The following TMEM237 variants were observed in gnomAD, a reference collection of about 807,000 sequenced individuals.
TMEM237 encodes the protein transmembrane protein 237.
A neutral mutation model predicts 59.1 loss-of-function variants in TMEM237; 51 were observed. That is an observed-to-expected ratio of 0.86 (90% CI 0.69 to 1.09). The LOEUF is 1.09. Ranked by LOEUF, TMEM237 falls within the 50% of genes least tolerant of loss-of-function variation. The probability of loss-of-function intolerance (pLI) is 0.00; values close to 1 mark genes in which losing one functional copy is unlikely to be tolerated. For synonymous variants in TMEM237, 140 were observed against 166.1 expected (o/e 0.84, Z 1.21); for missense variants, 475 against 478.3 (o/e 0.99, Z 0.06).
At chr2:201,631,933 T>C (rs910805094) in intron 7 of TMEM237, 118 bp downstream of exon 7, 1 of 1,066,100 alleles carries the variant, frequency 9.4e-7, no homozygotes. Context: ...ACCAGTTTTG[T>C]GTATAAATTG....
In TMEM237 at chr2:201,635,129, C is replaced by G. The variant is rs892599926; in HGVS notation, c.274+1619G>C. Reference sequence around the variant, plus strand: ...CTTCCTCCTTCTAAAACTTCTACCACTGTAACACTGCTATATTCTTCCATT... The same window carrying G: ...CTTCCTCCTTCTAAAACTTCTACCAGTGTAACACTGCTATATTCTTCCATT... On this transcript the variant is annotated intron_variant, in intron 5 of 12. Coordinates refer to ENST00000409883, the MANE Select transcript of TMEM237 (RefSeq NM_001044385.3). This position sits in a 1 kb window ranked among gnomAD's most constrained non-coding sequence, Gnocchi z 4.5. Among the ~76,000 whole-genome samples the G allele has an allele frequency of 5.9e-5, 9 of 152,152 alleles. No individual in the cohort carries two copies. The highest frequency in any genetic ancestry group is 1.2e-4 in the Non-Finnish European group (8 of 68,030).
rs1376540567 is a variant in TMEM237 at position 201,638,992 on chromosome 2, G to A, written c.133C>T (p.Pro45Ser). Residue 45 changes from proline (P) to serine (S), a missense_variant, in exon 4 of 13, where the codon CCA (proline) becomes TCA (serine). Transcript: ENST00000409883. ...ACAACAAAGAATAACGTCTTACCTG[G>A]TGTGTTTTTTGTTCTGGGCTTCTTT... is the stretch of plus-strand genomic sequence containing the variant. ...KKKKPRTKNT[P>S]ASASLEGLAQ... 2.5e-6 allele frequency: 4 copies of A among 1,581,772 alleles called. No individual in the cohort carries two copies. Among genetic ancestry groups the A allele is most frequent in the South Asian group, 1.2e-5 (1 of 86,172 alleles).
In TMEM237 at chr2:201,628,093, G is replaced by A. The variant is rs1380123430; in HGVS notation, c.926C>T (p.Thr309Ile). Residue 309 changes from threonine (T) to isoleucine (I), a missense_variant, in exon 10 of 13, where the codon ACA (threonine) becomes ATA (isoleucine). By Grantham distance (89) the Thr-to-Ile change is moderately conservative. Coordinates refer to ENST00000409883, the MANE Select transcript of TMEM237 (RefSeq NM_001044385.3). ...AIRNFLALDP[T>I]ALASFLYFTA... is the part of the protein sequence containing the mutation. Reference sequence around the variant, plus strand: ...TTACTCACAGAAAGATGCTAAAGCTGTAGGATCCAGGGCCAAAAAATTTCG... The same window carrying A: ...TTACTCACAGAAAGATGCTAAAGCTATAGGATCCAGGGCCAAAAAATTTCG... The A allele has an allele frequency of 1.2e-6, 2 of 1,607,818 alleles. No homozygotes were observed. The highest frequency in any genetic ancestry group is 8.5e-7 in the Non-Finnish European group (1 of 1,176,902).
chr2:201,627,572 T>C, intron 10 of TMEM237, 158 bp from the exon 11 acceptor site: 1 of 524,912 alleles, frequency 1.9e-6, no homozygotes, highest in Non-Finnish European at 3.3e-6. Flanking sequence ...CAGACATCCT[T>C]ATATAAATTT....
In TMEM237 at chr2:201,621,223, G is replaced by A. The variant is rs1006918242; in HGVS notation, c.*3032C>T. On this transcript the variant is annotated 3_prime_UTR_variant, in exon 13 of 13. Transcript: ENST00000409883. ...AATTAAGTGATGTCATTAGGAAAAAGTCAGACAATTAAAAAATGTAGGTGA... is the reference window on the plus strand; with the variant it reads ...AATTAAGTGATGTCATTAGGAAAAAATCAGACAATTAAAAAATGTAGGTGA... 1 of 152,138 alleles carries A rather than the reference G, an allele frequency of 6.6e-6. No individual in the cohort carries two copies. The highest frequency in any genetic ancestry group is 2.4e-5 in the African/African-American group (1 of 41,436). 9.4% of individuals were successfully genotyped at this position (152,138 alleles called of 1,614,324 possible).
In TMEM237 at chr2:201,624,168, T is replaced by A. The variant is rs2105896320; in HGVS notation, c.*87A>T. The A allele has an allele frequency of 1.2e-6, 1 of 868,730 alleles. No individual in the cohort carries two copies. The highest frequency in any genetic ancestry group is 2.7e-5 in the East Asian group (1 of 37,268). 53.8% of individuals were successfully genotyped at this position (868,730 alleles called of 1,614,324 possible). A position where few individuals can be genotyped will look rare whatever the true frequency, so the allele number is the denominator to read the frequency against. ...ATATAATCAAAAAATCTATTACAAA[T>A]ACACATGTATACATCTTATAAAAAT... On this transcript the variant is annotated 3_prime_UTR_variant, in exon 13 of 13. Transcript: ENST00000409883.
rs1376746554 is a variant in TMEM237 at position 201,623,583 on chromosome 2, A to T, written c.*672T>A. ...AGCCTCTTTTGCTACATAGATTTTT[A>T]AAATCTCCCTCTATGATCCTGATGT... On this transcript the variant is annotated 3_prime_UTR_variant, in exon 13 of 13. Transcript: ENST00000409883. 6.6e-6 allele frequency: 1 copy of T among 152,458 alleles called. No individual in the cohort carries two copies. Among genetic ancestry groups the T allele is most frequent in the Non-Finnish European group, 1.5e-5 (1 of 68,266 alleles). 9.4% of individuals were successfully genotyped at this position (152,458 alleles called of 1,614,324 possible).
Position 201,622,559 on chromosome 2 carries a change from C to T in TMEM237, c.*1696G>A, listed in dbSNP as rs1957718110. On this transcript the variant is annotated 3_prime_UTR_variant, in exon 13 of 13. Coordinates refer to ENST00000409883, the MANE Select transcript of TMEM237 (RefSeq NM_001044385.3). Reference sequence around the variant, plus strand: ...CATCACTCTCCTTGGCTCATGGCCCCCTCTTCCATCTTCAAAGCCAGCAAT... The same window carrying T: ...CATCACTCTCCTTGGCTCATGGCCCTCTCTTCCATCTTCAAAGCCAGCAAT... The T allele has an allele frequency of 6.6e-6, 1 of 152,492 alleles. No homozygotes were observed. The highest frequency in any genetic ancestry group is 6.5e-5 in the Admixed American group (1 of 15,290). 9.4% of individuals were successfully genotyped at this position (152,492 alleles called of 1,614,324 possible). A position where few individuals can be genotyped will look rare whatever the true frequency, so the allele number is the denominator to read the frequency against.
Position 201,628,129 on chromosome 2 carries a change from G to A in TMEM237, c.890C>T (p.Ser297Leu), listed in dbSNP as rs768528861. The A allele has an allele frequency of 2.5e-6, 4 of 1,605,822 alleles. No individual in the cohort carries two copies. Among genetic ancestry groups the A allele is most frequent in the Non-Finnish European group, 3.4e-6 (4 of 1,175,892 alleles). ...AFDRIDFAKI[S>L]VAIRNFLALD... ...GGCCAAAAAATTTCGGATTGCTACT[G>A]ATATTTTAGCAAAGTCAATCCTAGA... The change falls in exon 10 of 13, where the codon TCA becomes TTA. Residue 297 changes from serine to leucine, a missense_variant. Ser to Leu is a moderately radical substitution (Grantham distance 145). Transcript: ENST00000409883.
chr2:201,639,094 T>C lies in TMEM237; in HGVS notation c.80-49A>G, dbSNP rs370357239. On this transcript the variant is annotated intron_variant, in intron 3 of 12. Transcript: ENST00000409883. ...ACAGAAAAGGGTGCCTAAAATTCAA[T>C]GCAGAGAACAGTCAGAAGAGAACTT... 4.7e-6 allele frequency: 7 copies of C among 1,495,358 alleles called. No homozygotes were observed. In the South Asian group the frequency reaches 7.3e-5, roughly 16 times the overall value. 92.6% of individuals were successfully genotyped at this position (1,495,358 alleles called of 1,614,324 possible).
Position 201,643,015 on chromosome 2 carries a change from C to G in TMEM237, c.42+344G>C, listed in dbSNP as rs1430753744. On this transcript the variant is annotated intron_variant, in intron 1 of 12. Transcript: ENST00000409883. The surrounding 1 kb of genome is among the most constrained non-coding windows in gnomAD (Gnocchi z 4.3). ...CAGATCTCTTCTGGGCAGCTACAGACCTCTCCTCGGAGGAGTCTAGGAGAG... is the reference window on the plus strand; with the variant it reads ...CAGATCTCTTCTGGGCAGCTACAGAGCTCTCCTCGGAGGAGTCTAGGAGAG... 1.8e-5 allele frequency: 23 copies of G among 1,291,548 alleles called. No homozygotes were observed. The highest frequency in any genetic ancestry group is 2.3e-5 in the Non-Finnish European group (23 of 1,020,334). The allele number at this position is 1,291,548 out of a possible 1,614,324, so 80.0% of individuals were successfully genotyped here. A position where few individuals can be genotyped will look rare whatever the true frequency, so the allele number is the denominator to read the frequency against.
rs1303019862 is a variant in TMEM237, at chr2:201,643,071, C to T, written c.42+288G>A. ...GCTGGAAGCCCCGGCACCCGCCGGGCCCCGGGCCTCAGATGAGTGAGGCGT... is the reference window on the plus strand; with the variant it reads ...GCTGGAAGCCCCGGCACCCGCCGGGTCCCGGGCCTCAGATGAGTGAGGCGT... On this transcript the variant is annotated intron_variant, in intron 1 of 12. Coordinates refer to ENST00000409883, the MANE Select transcript of TMEM237 (RefSeq NM_001044385.3). This position sits in a 1 kb window ranked among gnomAD's most constrained non-coding sequence, Gnocchi z 4.3. 4 of 1,130,168 alleles carry T rather than the reference C, an allele frequency of 3.5e-6. No individual in the cohort carries two copies. The highest frequency in any genetic ancestry group is 4.6e-6 in the Non-Finnish European group (4 of 862,230). 70.0% of individuals were successfully genotyped at this position (1,130,168 alleles called of 1,614,324 possible). A position where few individuals can be genotyped will look rare whatever the true frequency, so the allele number is the denominator to read the frequency against.
At chr2:201,631,016 G>A (rs1439610335) in intron 7 of TMEM237, 1 of 152,142 alleles carries the variant, frequency 6.6e-6, no homozygotes, top group Non-Finnish European at 1.5e-5. Flanking sequence ...GTAGTATATA[G>A]TCATGATCAT....
intron 4 of TMEM237, chr2:201,638,773 T>C: frequency 1.8e-6 from 1 of 565,362 alleles, no homozygotes; most frequent in Non-Finnish European, 3.1e-6. Context: ...CCACCTTCTA[T>C]TCCATGAATG....
Position 201,636,862 on chromosome 2 carries a change from C to A in TMEM237, c.160G>T (p.Ala54Ser). 1 of 1,605,062 alleles carries A rather than the reference C, an allele frequency of 6.2e-7. No homozygotes were observed. The change falls in exon 5 of 13, where the codon GCT (alanine) becomes TCT (serine). Residue 54 changes from alanine (A) to serine (S), a missense_variant. Transcript: ENST00000409883. ...TPASASLEGL[A>S]QTAGRRPSEG... ...GAGGGCCTTCGACCAGCAGTCTGAG[C>A]AAGGCCTTCCAAAGAAGCACTTGCT...
At chr2:201,625,374 AT>A (rs1370912705) in intron 12 of TMEM237, among the ~76,000 whole-genome samples, 16 of 152,080 alleles carry the variant, frequency 1.1e-4, no homozygotes, top group African/African-American at 3.9e-4. Flanking sequence ...AAAATAAAAA[AT>A]AAAAAAAAAA....
rs539894593 is a variant in TMEM237, at chr2:201,629,559, A to C, written c.678-138T>G. On this transcript the variant is annotated intron_variant, in intron 8 of 12. Coordinates refer to ENST00000409883, the MANE Select transcript of TMEM237 (RefSeq NM_001044385.3). ...AAGCAAGCTCTTTCTTTTTAGTTAC[A>C]CTGATAGGTAGATCACTCAATTCCA... 18 of 1,258,338 alleles carry C rather than the reference A, an allele frequency of 1.4e-5. No individual in the cohort carries two copies. The African/African-American group carries it at 1.5e-4, about 11-fold the overall frequency. 77.9% of individuals were successfully genotyped at this position (1,258,338 alleles called of 1,614,324 possible).
intron 7 of TMEM237, 128 bp from the exon 8 acceptor site, chr2:201,629,980 C>T: frequency 8.4e-7 from 1 of 1,197,446 alleles, no homozygotes; most frequent in Non-Finnish European, 1.2e-6. Context: ...TCTGAAAATT[C>T]TCCTTGACTC....
Position 201,623,922 on chromosome 2 carries a change from AC to A in TMEM237, c.*332del. On this transcript the variant is annotated 3_prime_UTR_variant, in exon 13 of 13. Transcript: ENST00000409883. Reference sequence around the variant, plus strand: ...TTAAACCTGATATATATTTTATAACACTATTTAAGTTATGGCTTTTTCTAAA... The same window carrying A: ...TTAAACCTGATATATATTTTATAACATATTTAAGTTATGGCTTTTTCTAAA... 5.7e-6 allele frequency: 1 copy of A among 175,142 alleles called. No homozygotes were observed. Among genetic ancestry groups the A allele is most frequent in the Non-Finnish European group, 1.2e-5 (1 of 83,292 alleles). 10.8% of individuals were successfully genotyped at this position (175,142 alleles called of 1,614,324 possible).
Sources: gnomAD v4.1 joint callset for allele counts (sites outside exome capture counted in the v4.1 genomes callset) on GRCh38, gnomAD v4.1.1 for gene constraint, Gnocchi (gnomAD v3.1) non-coding constraint, MANE v1.5 for transcripts, NCBI Gene and HGNC (gene_info 2026-07-23, HGNC 2026-07-21) for gene names.